Variants in MACROD2 observed in about 807,000 individuals in gnomAD.
MACROD2 encodes mono-ADP ribosylhydrolase 2, also known as ADP-ribose glycohydrolase MACROD2.
A neutral mutation model predicts 70.4 loss-of-function variants in MACROD2; 36 were observed. That is an observed-to-expected ratio of 0.51 (90% CI 0.39 to 0.68). The LOEUF (loss-of-function observed/expected upper bound fraction) is 0.68, where lower values mean the gene tolerates loss of function less well. Among genes scored for constraint, MACROD2 ranks in the 30% least tolerant of loss-of-function variants. MACROD2 has a pLI of 0.00. For missense variants in MACROD2, 496 were observed against 538.4 expected (o/e 0.92, Z 0.78); for synonymous variants, 172 against 178.8 (o/e 0.96, Z 0.30).
At chr20:15,938,199 T>G (rs1164548552) in intron 12 of MACROD2, among the ~76,000 whole-genome samples, 1 of 152,222 alleles carries the variant, frequency 6.6e-6, no homozygotes, top group Non-Finnish European at 1.5e-5. Context: ...TAGTGCTTTT[T>G]CTTCTCTCTC....
intron 5 of MACROD2, among the ~76,000 whole-genome samples, chr20:15,181,986 ACTT>A (rs201403736): frequency 1.1e-3 from 159 of 150,020 alleles, no homozygotes; most frequent in Middle Eastern, 6.9e-3. Flanking sequence ...AAAAAAAAAA[ACTT>A]ATGACAAAAT....
intron 15 of MACROD2, among the ~76,000 whole-genome samples, chr20:16,039,731 A>G (rs372230566): frequency 6.6e-6 from 1 of 151,954 alleles, no homozygotes; most frequent in East Asian, 1.9e-4. Context: ...TAGAATAGGC[A>G]GTGTGAGAAA....
chr20:14,400,443 T>C (rs947875455), intron 3 of MACROD2, among the ~76,000 whole-genome samples: 1 of 152,216 alleles, frequency 6.6e-6, no homozygotes, highest in Non-Finnish European at 1.5e-5. Flanking sequence ...TTTTATCATA[T>C]GCATGTGCTG....
chr20:15,042,832 A>G (rs2075365996), intron 5 of MACROD2, among the ~76,000 whole-genome samples: 1 of 152,174 alleles, frequency 6.6e-6, no homozygotes, highest in South Asian at 2.1e-4. Flanking sequence ...TTTAGAGCCA[A>G]ATCTTACTGA....
At chr20:14,016,277 T>C (rs1006738994) in intron 2 of MACROD2, among the ~76,000 whole-genome samples, 1 of 152,250 alleles carries the variant, frequency 6.6e-6, no homozygotes, top group Admixed American at 6.5e-5. Flanking sequence ...TGGATTTCCT[T>C]GTTGTAGGAA....
intron 8 of MACROD2, among the ~76,000 whole-genome samples, chr20:15,809,861 C>CT (rs56350068): frequency 0.046 from 6,551 of 141,916 alleles, 207 homozygotes; most frequent in Non-Finnish European, 0.072. Context: ...GCCACCCTAT[C>CT]TTTTTTTTTT....
chr20:15,963,527 T>C (rs2066094891), intron 12 of MACROD2, among the ~76,000 whole-genome samples: 1 of 152,196 alleles, frequency 6.6e-6, no homozygotes, highest in South Asian at 2.1e-4. Context: ...CTATATTTGC[T>C]GGCTATTTCC....
chr20:15,617,427 C>T (rs941446582), intron 8 of MACROD2, among the ~76,000 whole-genome samples: 1 of 152,024 alleles, frequency 6.6e-6, no homozygotes, highest in African/African-American at 2.4e-5. Flanking sequence ...AACTAGATCC[C>T]GTCACAAAAC....
At chr20:15,028,285 A>C (rs2075248851) in intron 5 of MACROD2, among the ~76,000 whole-genome samples, 1 of 152,186 alleles carries the variant, frequency 6.6e-6, no homozygotes, top group Non-Finnish European at 1.5e-5. Flanking sequence ...CCCTTGATCC[A>C]AGGTATCACT....
intron 4 of MACROD2, among the ~76,000 whole-genome samples, chr20:14,654,706 A>T (rs1200185754): frequency 6.6e-6 from 1 of 152,184 alleles, no homozygotes; most frequent in East Asian, 1.9e-4. Context: ...GTTCATCTGA[A>T]AAATAAAAGC....
intron 5 of MACROD2, among the ~76,000 whole-genome samples, chr20:15,149,379 A>C (rs1242174957): frequency 6.6e-6 from 1 of 151,986 alleles, no homozygotes; most frequent in South Asian, 2.1e-4. Flanking sequence ...ACCAAGTGTG[A>C]TCAGGGTGAG....
At chr20:14,982,067 A>G (rs1230983920) in intron 5 of MACROD2, among the ~76,000 whole-genome samples, 1 of 152,106 alleles carries the variant, frequency 6.6e-6, no homozygotes, top group East Asian at 1.9e-4. Flanking sequence ...AATAGAGAGG[A>G]GGAACTTGTT....
At chr20:14,865,295 C>A (rs1335313032) in intron 5 of MACROD2, among the ~76,000 whole-genome samples, 1 of 152,090 alleles carries the variant, frequency 6.6e-6, no homozygotes, top group Admixed American at 6.6e-5. Flanking sequence ...TCCATGTAAC[C>A]CTGGTCCCTG....
intron 8 of MACROD2, among the ~76,000 whole-genome samples, chr20:15,555,741 A>C (rs1363753475): frequency 7.0e-6 from 1 of 143,216 alleles, no homozygotes; most frequent in Non-Finnish European, 1.5e-5. Flanking sequence ...AGGCAGGAGA[A>C]TTGCTTGAAC....
chr20:15,636,719 T>C (rs973229188), intron 8 of MACROD2, among the ~76,000 whole-genome samples: 1 of 152,108 alleles, frequency 6.6e-6, no homozygotes, highest in Non-Finnish European at 1.5e-5. Flanking sequence ...AAGACTCAGT[T>C]ACCTGGACTG....
At chr20:15,062,942 C>T (rs1389104448) in intron 5 of MACROD2, among the ~76,000 whole-genome samples, 5 of 152,310 alleles carry the variant, frequency 3.3e-5, no homozygotes, top group African/African-American at 7.2e-5. Flanking sequence ...CAGCACTGCT[C>T]GGCCTTGCTA....
chr20:15,280,775 TC>T (rs1480539564), intron 6 of MACROD2: 1 of 152,234 alleles, frequency 6.6e-6, no homozygotes, highest in Non-Finnish European at 1.5e-5. Context: ...TTCAGATTTT[TC>T]CTAAATATCT....
chr20:15,661,240 G>T (rs551763193), intron 8 of MACROD2, among the ~76,000 whole-genome samples: 2 of 152,278 alleles, frequency 1.3e-5, no homozygotes, highest in African/African-American at 4.8e-5. Context: ...TTGCTACAAA[G>T]AATACCTGAA....
intron 6 of MACROD2, among the ~76,000 whole-genome samples, chr20:15,232,208 T>C (rs781406988): frequency 2.0e-5 from 3 of 151,952 alleles, no homozygotes; most frequent in Non-Finnish European, 4.4e-5. Context: ...TAGAGGGAAA[T>C]AGAAAACTTT....
Sources: gnomAD v4.1 joint callset for allele counts (sites outside exome capture counted in the v4.1 genomes callset) on GRCh38, gnomAD v4.1.1 for gene constraint, MANE v1.5 for transcripts, NCBI Gene and HGNC (gene_info 2026-07-23, HGNC 2026-07-21) for gene names.